ZNF81: variants seen among roughly 807,000 people sequenced by gnomAD.
ZNF81 encodes the protein zinc finger protein 81.
In ZNF81, 5 loss-of-function variants were observed where a neutral mutation model predicts 32.3. That is an observed-to-expected ratio of 0.15 (90% CI 0.08 to 0.33). ZNF81 has a LOEUF of 0.33. Among genes scored for constraint, ZNF81 ranks in the 10% least tolerant of loss-of-function variants. The pLI is 1.00. For missense variants in ZNF81, 379 were observed against 479.8 expected, an observed-to-expected ratio of 0.79 and a Z score of 1.96; for synonymous variants, 163 against 166.8, an observed-to-expected ratio of 0.98 and a Z score of 0.17.
At chrX:47,882,913 T>G (rs1478166788) in intron 2 of ZNF81, among the ~76,000 whole-genome samples, 1 of 112,332 alleles carries the variant, frequency 8.9e-6, no homozygotes, top group Non-Finnish European at 1.9e-5. Flanking sequence ...ATCCCTTGAA[T>G]CCAGGAGGCA....
chrX:47,868,062 A>T (rs1437056860), intron 2 of ZNF81, among the ~76,000 whole-genome samples: 4 of 111,546 alleles, frequency 3.6e-5, no homozygotes, highest in Non-Finnish European at 7.5e-5. Flanking sequence ...TACAGATTGA[A>T]CTTCCAGTGC....
intron 2 of ZNF81, among the ~76,000 whole-genome samples, chrX:47,847,753 CTT>C (rs2058476668): frequency 9.0e-6 from 1 of 111,526 alleles, no homozygotes; most frequent in Non-Finnish European, 1.9e-5. Context: ...TTTTATGAAA[CTT>C]TGCATGTCTG....
chrX:47,914,904 C>G lies in ZNF81; in HGVS notation c.278-20C>G. On this transcript the variant is annotated intron_variant, in intron 4 of 4. Transcript: ENST00000338637. ...CGGTCTATTGTTTGTGTCAATTTTA[C>G]TTTTTCTTTCTCTTTTTAGATGGGA... The G allele has an allele frequency of 8.3e-7, 1 of 1,202,129 alleles. No individual in the cohort carries two copies. Among genetic ancestry groups the G allele is most frequent in the Non-Finnish European group, 1.1e-6 (1 of 889,750 alleles).
chrX:47,864,169 G>A (rs1270704991), intron 2 of ZNF81, among the ~76,000 whole-genome samples: 1 of 111,501 alleles, frequency 9.0e-6, no homozygotes, highest in Non-Finnish European at 1.9e-5. Flanking sequence ...AGGCAAGGGA[G>A]GTAGACTCTG....
chrX:47,862,526 A>C (rs1482174231), intron 2 of ZNF81, among the ~76,000 whole-genome samples: 25 of 107,249 alleles, frequency 2.3e-4, no homozygotes, highest in Non-Finnish European at 3.9e-4. Context: ...TCCGTCTCAA[A>C]AAAAAAAAAA....
intron 1 of ZNF81, among the ~76,000 whole-genome samples, chrX:47,841,925 C>T (rs1556879830): frequency 1.8e-5 from 2 of 111,095 alleles, no homozygotes. Context: ...TGATTTAAGA[C>T]CTTTCCTCTT....
intron 2 of ZNF81, among the ~76,000 whole-genome samples, chrX:47,855,570 T>C (rs1240154756): frequency 3.6e-5 from 4 of 111,897 alleles, no homozygotes; most frequent in Non-Finnish European, 7.5e-5. Flanking sequence ...GGTAGGGCTG[T>C]CTCTGATTAC....
chrX:47,910,604 G>A (rs1349012170), intron 4 of ZNF81, among the ~76,000 whole-genome samples: 2 of 112,231 alleles, frequency 1.8e-5, no homozygotes, highest in Non-Finnish European at 3.8e-5. Context: ...TGGAGAAGAT[G>A]TGGAGAAATA....
At chrX:47,867,722 T>TA (rs1159061063) in intron 2 of ZNF81, among the ~76,000 whole-genome samples, 1 of 112,035 alleles carries the variant, frequency 8.9e-6, no homozygotes, top group Non-Finnish European at 1.9e-5. Flanking sequence ...CATTTCCTGA[T>TA]ATATTACTTT....
At chrX:47,890,017 G>T (rs1259847116) in intron 3 of ZNF81, among the ~76,000 whole-genome samples, 1 of 111,688 alleles carries the variant, frequency 9.0e-6, no homozygotes, top group Non-Finnish European at 1.9e-5. Context: ...ACCATATCAG[G>T]TGATGAAGAC....
At chrX:47,901,948 C>A (rs2058700184) in intron 4 of ZNF81, among the ~76,000 whole-genome samples, 1 of 111,639 alleles carries the variant, frequency 9.0e-6, no homozygotes, top group South Asian at 3.6e-4. Flanking sequence ...CTTTAAATTT[C>A]TTTTTCTTAA....
intron 2 of ZNF81, among the ~76,000 whole-genome samples, chrX:47,874,867 C>T (rs1448425912): frequency 8.9e-6 from 1 of 111,785 alleles, no homozygotes; most frequent in Non-Finnish European, 1.9e-5. Flanking sequence ...CTGTGCTTCC[C>T]TAGCTATATG....
intron 2 of ZNF81, among the ~76,000 whole-genome samples, chrX:47,864,768 G>A (rs2058553800): frequency 8.9e-6 from 1 of 111,854 alleles, no homozygotes; most frequent in Non-Finnish European, 1.9e-5. Flanking sequence ...AGGCATCTAT[G>A]GGGTGACCCA....
At chrX:47,839,421 C>A (rs1556879456) in intron 1 of ZNF81, among the ~76,000 whole-genome samples, 2 of 111,512 alleles carry the variant, frequency 1.8e-5, no homozygotes. Context: ...AACATAATGC[C>A]ACAAGCAAAA....
intron 3 of ZNF81, among the ~76,000 whole-genome samples, chrX:47,891,663 G>A (rs782305707): frequency 8.9e-6 from 1 of 111,861 alleles, no homozygotes; most frequent in Non-Finnish European, 1.9e-5. Context: ...CCCACTGGAT[G>A]CACTGTGAGA....
rs1603211064 is a variant in ZNF81 at position 47,915,852 on chromosome X, T to C, written c.1206T>C (p.Asn402=). The C allele has an allele frequency of 1.7e-6, 2 of 1,210,325 alleles. No homozygotes were observed. The highest frequency in any genetic ancestry group is 2.2e-6 in the Non-Finnish European group (2 of 894,933). The change falls in exon 5 of 5, where the codon AAT becomes AAC. Residue 402 remains asparagine (N), a synonymous_variant. Coordinates refer to ENST00000338637, the MANE Select transcript of ZNF81 (RefSeq NM_007137.5). The part of the protein sequence containing the change: ...GKGFSLNSAL[N]IHQKIHTGER... ...GCTTCTCCCTGAACTCAGCCCTCAA[T>C]ATACATCAGAAAATTCACACTGGAG...
At chrX:47,863,497 A>G (rs1418156421) in intron 2 of ZNF81, among the ~76,000 whole-genome samples, 8 of 112,284 alleles carry the variant, frequency 7.1e-5, no homozygotes, top group Non-Finnish European at 7.5e-5. Context: ...AAGATTATAC[A>G]CAGGAGAAGG....
At chrX:47,841,576 C>G in intron 1 of ZNF81, 2 of 993,567 alleles carry the variant, frequency 2.0e-6, no homozygotes, top group Non-Finnish European at 2.8e-6. Flanking sequence ...TTTTTCCTTT[C>G]CTCTGCTCCT....
intron 2 of ZNF81, 93 bp from the exon 3 acceptor site, chrX:47,887,906 T>C (rs782703715): frequency 1.9e-6 from 2 of 1,078,182 alleles, no homozygotes; most frequent in Admixed American, 4.4e-5. Context: ...TCGTATATTA[T>C]GATGAAAAAG....
Sources: gnomAD v4.1 joint callset for allele counts (sites outside exome capture counted in the v4.1 genomes callset) on GRCh38, gnomAD v4.1.1 for gene constraint, MANE v1.5 for transcripts, NCBI Gene and HGNC (gene_info 2026-07-23, HGNC 2026-07-21) for gene names.